DPP10: variants seen among roughly 807,000 people sequenced by gnomAD.
DPP10 encodes the protein dipeptidyl peptidase like 10.
A neutral mutation model predicts 120.9 loss-of-function variants in DPP10; 33 were observed. The observed-to-expected ratio is 0.27, with a 90% confidence interval of 0.21 to 0.37. The LOEUF (loss-of-function observed/expected upper bound fraction) is 0.37. DPP10 is among the 10% of genes least tolerant of loss of function. The pLI is 1.00. For missense variants in DPP10, 816 were observed against 942.8 expected (o/e 0.87, Z 1.76); for synonymous variants, 337 against 326.1 (o/e 1.03, Z -0.36).
chr2:115,291,060 A>G (rs147887279), intron 1 of DPP10, among the ~76,000 whole-genome samples: 3,030 of 152,038 alleles, frequency 0.02, 105 homozygotes, highest in African/African-American at 0.068. Flanking sequence ...CTGGAGTGCA[A>G]TAGTGTGATC....
At chr2:114,903,581 A>G (rs72832456) in intron 1 of DPP10, among the ~76,000 whole-genome samples, 6,748 of 152,238 alleles carry the variant, frequency 0.044, 231 homozygotes, top group African/African-American at 0.089. Flanking sequence ...TCTTTGATAC[A>G]GTGTCTTTTG....
At chr2:115,214,767 A>C (rs1220004666) in intron 1 of DPP10, among the ~76,000 whole-genome samples, 2 of 152,092 alleles carry the variant, frequency 1.3e-5, no homozygotes, top group African/African-American at 4.8e-5. Context: ...TTCTGTATCA[A>C]CTCATCACAG....
At chr2:115,371,348 C>T (rs1314394137) in intron 3 of DPP10, among the ~76,000 whole-genome samples, 1 of 152,136 alleles carries the variant, frequency 6.6e-6, no homozygotes, top group Admixed American at 6.6e-5. Flanking sequence ...AAATGTAGCT[C>T]ATAGCTCATA....
At chr2:115,378,900 G>A (rs1033925316) in intron 3 of DPP10, among the ~76,000 whole-genome samples, 2 of 152,246 alleles carry the variant, frequency 1.3e-5, no homozygotes, top group South Asian at 4.2e-4. Flanking sequence ...CAGGGATGAA[G>A]CCCACTTGAT....
At chr2:115,703,400 T>C (rs1234036103) in intron 7 of DPP10, among the ~76,000 whole-genome samples, 2 of 151,930 alleles carry the variant, frequency 1.3e-5, no homozygotes, top group Admixed American at 6.6e-5. Context: ...TATCTCCATA[T>C]ATATAGGGAG....
At chr2:114,922,052 G>C (rs947313975) in intron 1 of DPP10, among the ~76,000 whole-genome samples, 2 of 152,074 alleles carry the variant, frequency 1.3e-5, no homozygotes, top group Admixed American at 1.3e-4. Flanking sequence ...AATGCTATTT[G>C]ACTATTTGAC....
chr2:114,896,020 G>T (rs1314595343), intron 1 of DPP10, among the ~76,000 whole-genome samples: 1 of 151,950 alleles, frequency 6.6e-6, no homozygotes, highest in Non-Finnish European at 1.5e-5. Context: ...TTTTTCTCAG[G>T]TTTGTCAAAG....
At chr2:115,418,963 T>C (rs983962894) in intron 3 of DPP10, among the ~76,000 whole-genome samples, 4 of 152,164 alleles carry the variant, frequency 2.6e-5, no homozygotes, top group Admixed American at 1.3e-4. Flanking sequence ...CAGTCTTTTG[T>C]ATTAAGGCCT....
At chr2:115,667,949 G>A (rs1280265886) in intron 5 of DPP10, among the ~76,000 whole-genome samples, 1 of 151,772 alleles carries the variant, frequency 6.6e-6, no homozygotes, top group Non-Finnish European at 1.5e-5. Flanking sequence ...TTTCACAGGT[G>A]GGAATTTTAA....
intron 1 of DPP10, among the ~76,000 whole-genome samples, chr2:115,270,103 CACACACACACAGACACACACACAA>C (rs1199646834): frequency 2.0e-5 from 3 of 147,706 alleles, no homozygotes; most frequent in African/African-American, 7.8e-5. Context: ...CACACACACA[CACACACACACAGACACACACACAA>C]ACACTTATTT....
intron 1 of DPP10, among the ~76,000 whole-genome samples, chr2:115,228,333 G>A (rs868529317): frequency 6.6e-6 from 1 of 151,816 alleles, no homozygotes; most frequent in African/African-American, 2.4e-5. Flanking sequence ...AGCACCTTAA[G>A]CATTTACCCT....
intron 21 of DPP10, among the ~76,000 whole-genome samples, chr2:115,817,665 A>G (rs1332455051): frequency 1.5e-5 from 2 of 135,558 alleles, no homozygotes; most frequent in Non-Finnish European, 3.3e-5. Flanking sequence ...CCTAGTAGTA[A>G]AGGTTAGTTT....
rs72945854 is a variant in DPP10, at chr2:114,991,860, T to C, written c.61-317379T>C. Reference sequence around the variant, plus strand: ...AAAACACTAAATGCTGATATCCACATATGCTCATGTCCAGGCAAGTCCACA... The same window carrying C: ...AAAACACTAAATGCTGATATCCACACATGCTCATGTCCAGGCAAGTCCACA... On this transcript the variant is annotated intron_variant, in intron 1 of 25. Coordinates refer to ENST00000410059, the MANE Select transcript of DPP10 (RefSeq NM_020868.6). Among the ~76,000 whole-genome samples, 335 of 152,288 alleles carry C rather than the reference T, an allele frequency of 2.2e-3. 1 individual carries two copies. Among genetic ancestry groups the C allele is most frequent in the African/African-American group, 7.4e-3 (306 of 41,556 alleles).
chr2:115,183,355 G>C (rs1238418972), intron 1 of DPP10, among the ~76,000 whole-genome samples: 1 of 152,114 alleles, frequency 6.6e-6, no homozygotes, highest in African/African-American at 2.4e-5. Flanking sequence ...TGCATTTTAA[G>C]CATTCCTACC....
chr2:115,570,502 G>T (rs1051120311), intron 5 of DPP10, among the ~76,000 whole-genome samples: 1 of 152,166 alleles, frequency 6.6e-6, no homozygotes, highest in Admixed American at 6.5e-5. Context: ...CTCATTCTGT[G>T]CTCACATGTT....
chr2:115,591,319 G>T (rs1386508737), intron 5 of DPP10, among the ~76,000 whole-genome samples: 1 of 152,150 alleles, frequency 6.6e-6, no homozygotes, highest in Non-Finnish European at 1.5e-5. Context: ...AATCCATCTT[G>T]AATTAATTTT....
chr2:114,709,761 A>G (rs1432684896), intron 1 of DPP10, among the ~76,000 whole-genome samples: 4 of 152,180 alleles, frequency 2.6e-5, no homozygotes, highest in African/African-American at 9.7e-5. Flanking sequence ...TATGATGGGA[A>G]TACGTTCTAA....
intron 3 of DPP10, among the ~76,000 whole-genome samples, chr2:115,421,869 CAAAAAAAAAAAAAAA>C (rs10610510): frequency 1.6e-3 from 75 of 46,920 alleles, no homozygotes; most frequent in African/African-American, 6.9e-3. Context: ...GACTCCATCT[CAAAAAAAAAAAAAAA>C]AAAAAAAAAA....
intron 1 of DPP10, among the ~76,000 whole-genome samples, chr2:114,462,438 A>C (rs1406148670): frequency 7.2e-5 from 11 of 152,088 alleles, no homozygotes. Flanking sequence ...AATTTTTCAG[A>C]CTTTCTTTTC....
Sources: gnomAD v4.1 joint callset for allele counts (sites outside exome capture counted in the v4.1 genomes callset) on GRCh38, gnomAD v4.1.1 for gene constraint, MANE v1.5 for transcripts, NCBI Gene and HGNC (gene_info 2026-07-23, HGNC 2026-07-21) for gene names.